Variants in CREB5 observed in about 807,000 individuals in gnomAD.
CREB5 encodes cyclic AMP-responsive element-binding protein 5.
Under a neutral mutation model 57.1 loss-of-function variants are expected in CREB5, and 19 were observed. The ratio of observed to expected loss-of-function variants is 0.33; its 90% CI spans 0.23 to 0.49. The LOEUF (loss-of-function observed/expected upper bound fraction) is 0.49. Among genes scored for constraint, CREB5 ranks in the 20% least tolerant of loss-of-function variants. CREB5 has a pLI of 0.99. For missense variants in CREB5, 579 were observed against 671.6 expected (o/e 0.86, Z 1.52); for synonymous variants, 238 against 238.3 (o/e 1.00, Z 0.01).
rs377434973 is a variant in CREB5 at position 28,775,603 on chromosome 7, T to C, written c.703-28596T>C. On this transcript the variant is annotated intron_variant, in intron 7 of 10. Coordinates refer to ENST00000357727, the MANE Select transcript of CREB5 (RefSeq NM_182898.4). ...GGTAAGTGTTCTATAAATGGATTTT[T>C]GTTTTGTGTATTCTTCTGCAACTTG... 1.8e-4 allele frequency among the ~76,000 whole-genome samples: 26 copies of C among 146,774 alleles called. No homozygotes were observed. In the East Asian group the frequency reaches 5.6e-3, roughly 31 times the overall value.
At chr7:28,462,516 C>T (rs1790391234) in intron 1 of CREB5, among the ~76,000 whole-genome samples, 1 of 152,128 alleles carries the variant, frequency 6.6e-6, no homozygotes, top group Admixed American at 6.5e-5. Context: ...TCTCAAGTGG[C>T]TGCCCCGTTT....
intron 5 of CREB5, among the ~76,000 whole-genome samples, chr7:28,636,063 C>T (rs1798407250): frequency 6.6e-6 from 1 of 152,244 alleles, no homozygotes; most frequent in African/African-American, 2.4e-5. Flanking sequence ...TAGAGATCAT[C>T]TCTTCCAATT....
intron 1 of CREB5, among the ~76,000 whole-genome samples, chr7:28,309,475 C>G (rs1313500045): frequency 6.6e-6 from 1 of 152,174 alleles, no homozygotes; most frequent in Non-Finnish European, 1.5e-5. Flanking sequence ...TCTGTATTTC[C>G]TTTCCAGGGA....
At chr7:28,371,875 AT>A (rs1786712742) in intron 1 of CREB5, among the ~76,000 whole-genome samples, 1 of 152,132 alleles carries the variant, frequency 6.6e-6, no homozygotes, top group African/African-American at 2.4e-5. Context: ...CACGCTCCCA[AT>A]CATGGTTAAG....
chr7:28,632,507 T>C (rs1798240200), intron 5 of CREB5, among the ~76,000 whole-genome samples: 1 of 152,206 alleles, frequency 6.6e-6, no homozygotes, highest in Admixed American at 6.5e-5. Context: ...AGGGACAAGC[T>C]CCTTCTTTTC....
intron 5 of CREB5, among the ~76,000 whole-genome samples, chr7:28,672,216 A>C (rs139208900): frequency 2.0e-4 from 19 of 97,332 alleles, no homozygotes; most frequent in African/African-American, 6.3e-4. Flanking sequence ...CACACACACA[A>C]ACACTGGACT....
chr7:28,678,366 C>T (rs767916662), intron 5 of CREB5, among the ~76,000 whole-genome samples: 12 of 151,474 alleles, frequency 7.9e-5, no homozygotes, highest in Admixed American at 2.6e-4. Context: ...CCAGCCTGGG[C>T]GACAGAGTGA....
At chr7:28,380,371 G>A (rs1161599260) in intron 1 of CREB5, among the ~76,000 whole-genome samples, 2 of 152,182 alleles carry the variant, frequency 1.3e-5, no homozygotes. Context: ...CTACTCCACT[G>A]TGCCTTCCCT....
intron 1 of CREB5, among the ~76,000 whole-genome samples, chr7:28,465,491 G>T (rs1251699299): frequency 6.6e-6 from 1 of 152,178 alleles, no homozygotes; most frequent in Non-Finnish European, 1.5e-5. Flanking sequence ...TCCACGCAGT[G>T]CAGAGACCAT....
chr7:28,364,781 T>C (rs918663400), intron 1 of CREB5, among the ~76,000 whole-genome samples: 2 of 152,214 alleles, frequency 1.3e-5, no homozygotes, highest in Non-Finnish European at 2.9e-5. Flanking sequence ...AGAGGTAGAA[T>C]AGCTGTCCTC....
chr7:28,664,372 G>A (rs912457425), intron 5 of CREB5, among the ~76,000 whole-genome samples: 2 of 152,158 alleles, frequency 1.3e-5, no homozygotes, highest in African/African-American at 4.8e-5. Context: ...TCAATGCCTT[G>A]TAGGACTTTA....
chr7:28,657,246 G>T (rs1050085957), intron 5 of CREB5, among the ~76,000 whole-genome samples: 1 of 152,072 alleles, frequency 6.6e-6, no homozygotes, highest in Admixed American at 6.6e-5. Context: ...AGTTTCAAGG[G>T]GGTGTCTCTG....
chr7:28,353,042 CT>C lies in CREB5; in HGVS notation c.-25+53604del, dbSNP rs369099554. ...ATTTTCTTCAATTTTTATCTTTCTT[CT>C]TTCCCTTAGAAGTGCCTCTTTTTCT... On this transcript the variant is annotated intron_variant, in intron 1 of 9. Coordinates refer to the CREB5 transcript ENST00000396299. Among the ~76,000 whole-genome samples the C allele has an allele frequency of 1.1e-3, 163 of 152,272 alleles. 3 individuals are homozygous for C. The South Asian group carries it at 0.014, about 13-fold the overall frequency.
intron 1 of CREB5, among the ~76,000 whole-genome samples, chr7:28,429,564 T>C (rs181419008): frequency 2.0e-3 from 310 of 152,318 alleles, no homozygotes; most frequent in Non-Finnish European, 3.2e-3. Context: ...ATTTAGTGGC[T>C]CCACATGCCT....
intron 7 of CREB5, among the ~76,000 whole-genome samples, chr7:28,737,576 TATATATATA>T (rs1562606827): frequency 1.0e-3 from 34 of 33,766 alleles, no homozygotes; most frequent in African/African-American, 3.0e-3. Context: ...TATATATATA[TATATATATA>T]TATTTTTAAC....
chr7:28,698,354 C>G (rs1381757942), intron 5 of CREB5, among the ~76,000 whole-genome samples: 1 of 122,738 alleles, frequency 8.1e-6, no homozygotes, highest in Non-Finnish European at 1.8e-5. Flanking sequence ...CACTCCCCAC[C>G]AAAAAAAAAA....
chr7:28,387,557 G>A (rs1787133887), intron 1 of CREB5, among the ~76,000 whole-genome samples: 2 of 151,892 alleles, frequency 1.3e-5, no homozygotes, highest in African/African-American at 2.4e-5. Context: ...AGTTTCTTTT[G>A]CTGTGCAGAA....
At chr7:28,368,528 C>T (rs2127993479) in intron 1 of CREB5, among the ~76,000 whole-genome samples, 1 of 152,324 alleles carries the variant, frequency 6.6e-6, no homozygotes, top group Middle Eastern at 3.4e-3. Flanking sequence ...ACTCCAATCA[C>T]ATGGACCCTC....
chr7:28,657,549 T>TA (rs1799377949), intron 5 of CREB5, among the ~76,000 whole-genome samples: 1 of 151,682 alleles, frequency 6.6e-6, no homozygotes. Flanking sequence ...GCCAATATAG[T>TA]GAAACCCCGT....
Sources: allele counts gnomAD v4.1 joint callset (sites outside exome capture counted in the v4.1 genomes callset), GRCh38; gene constraint gnomAD v4.1.1; transcripts MANE v1.5; gene names NCBI Gene and HGNC (gene_info 2026-07-23, HGNC 2026-07-21).